The following SAXO2 variants were observed in gnomAD, a reference collection of about 807,000 sequenced individuals.
SAXO2 encodes stabilizer of axonemal microtubules 2, also known as family with sequence similarity 154, member B.
In SAXO2, 17 loss-of-function variants were observed where a neutral mutation model predicts 18.7. The ratio of observed to expected loss-of-function variants is 0.91; its 90% CI spans 0.62 to 1.36. The LOEUF (loss-of-function observed/expected upper bound fraction) is 1.36, where lower values mean the gene tolerates loss of function less well. Ranked by LOEUF, SAXO2 falls within the 40% of genes most tolerant of loss-of-function variation. The pLI is 0.00. For missense variants in SAXO2, 486 were observed against 562.6 expected (o/e 0.86, Z 1.38); for synonymous variants, 163 against 181.2 (o/e 0.90, Z 0.81).
intron 3 of SAXO2, among the ~76,000 whole-genome samples, chr15:82,273,422 G>A (rs1185531865): frequency 6.6e-6 from 1 of 152,106 alleles, no homozygotes; most frequent in African/African-American, 2.4e-5. Context: ...TTAGGTAATA[G>A]TTAAATGCCT....
chr15:82,263,188 G>A, intron 1 of SAXO2: 1 of 1,453,444 alleles, frequency 6.9e-7, no homozygotes, highest in African/African-American at 1.4e-5. Context: ...ACCCGGGCCA[G>A]GTAAGTAATA....
chr15:82,268,670 G>A lies in SAXO2; in HGVS notation c.233+2922G>A, dbSNP rs140785498. Among the ~76,000 whole-genome samples, 822 of 152,332 alleles carry A rather than the reference G, an allele frequency of 5.4e-3. 5 individuals are homozygous for A. Among genetic ancestry groups the A allele is most frequent in the Non-Finnish European group, 8.5e-3 (579 of 68,018 alleles). The stretch of plus-strand genomic sequence containing the variant: ...ACAGGAAGTGACTGTGTAAAGAGGT[G>A]TCTGAACTTGTACAAGATTTTGGAT... On this transcript the variant is annotated intron_variant, in intron 2 of 3. Coordinates refer to ENST00000682753, the MANE Select transcript of SAXO2 (RefSeq NM_001348699.2).
intron 1 of SAXO2, chr15:82,263,155 T>C: frequency 1.4e-6 from 2 of 1,455,432 alleles, no homozygotes; most frequent in South Asian, 1.4e-5. Context: ...AGACTCCCAA[T>C]CAAGGATGCA....
chr15:82,273,518 A>G (rs2075289909), intron 3 of SAXO2, among the ~76,000 whole-genome samples: 2 of 152,162 alleles, frequency 1.3e-5, no homozygotes, highest in Non-Finnish European at 2.9e-5. Context: ...CAGCCTACCT[A>G]TTAGGGAGGT....
chr15:82,270,667 G>A (rs2075263074), intron 2 of SAXO2, among the ~76,000 whole-genome samples: 1 of 152,138 alleles, frequency 6.6e-6, no homozygotes, highest in African/African-American at 2.4e-5. Context: ...GAGTCCAGAA[G>A]AAAAAAGCAA....
At chr15:82,273,952 G>A (rs565243686) in intron 3 of SAXO2, among the ~76,000 whole-genome samples, 72 of 152,056 alleles carry the variant, frequency 4.7e-4, no homozygotes, top group African/African-American at 1.7e-3. Context: ...TGGTCAGGCT[G>A]GTCTCAAACT....
intron 3 of SAXO2, among the ~76,000 whole-genome samples, chr15:82,275,281 CAAAAAAAAAAAAAAA>C (rs756023248): frequency 2.2e-5 from 1 of 45,906 alleles, no homozygotes; most frequent in East Asian, 6.0e-4. Context: ...ACCTATCAAC[CAAAAAAAAAAAAAAA>C]AAAAAAAAAA....
At chr15:82,270,309 TAATC>T (rs959462100) in intron 2 of SAXO2, among the ~76,000 whole-genome samples, 1 of 152,114 alleles carries the variant, frequency 6.6e-6, no homozygotes. Flanking sequence ...TGGAAAGAAA[TAATC>T]AGGAAGTCGG....
At chr15:82,276,773 A>C (rs1342991089) in intron 3 of SAXO2, among the ~76,000 whole-genome samples, 13 of 152,222 alleles carry the variant, frequency 8.5e-5, no homozygotes, top group Admixed American at 8.5e-4. Flanking sequence ...AAGCAAATTA[A>C]CAATGTTTTC....
Position 82,264,017 on chromosome 15 carries a change from A to G in SAXO2, c.53+1085A>G, listed in dbSNP as rs542493874. Among the ~76,000 whole-genome samples the G allele has an allele frequency of 9.9e-5, 15 of 151,382 alleles. No homozygotes were observed. In the South Asian group the frequency reaches 2.7e-3, roughly 27 times the overall value. On this transcript the variant is annotated intron_variant, in intron 1 of 3. Transcript: ENST00000682753. ...TATTGTAAAACGCCTTCATAATTCTATCTTCCACAGATAACAAATGTTCTT... is the reference window on the plus strand; with the variant it reads ...TATTGTAAAACGCCTTCATAATTCTGTCTTCCACAGATAACAAATGTTCTT...
chr15:82,263,097 C>A, intron 1 of SAXO2, 165 bp downstream of exon 1: 3 of 1,493,720 alleles, frequency 2.0e-6, no homozygotes, highest in Non-Finnish European at 1.8e-6. Context: ...AATACTCGCT[C>A]CTCACCCGCC....
At chr15:82,269,592 G>A (rs1469492811) in intron 2 of SAXO2, among the ~76,000 whole-genome samples, 1 of 152,116 alleles carries the variant, frequency 6.6e-6, no homozygotes, top group Non-Finnish European at 1.5e-5. Flanking sequence ...GGTGGAGGGT[G>A]GAGGGTGGAC....
intron 2 of SAXO2, 113 bp downstream of exon 2, chr15:82,265,861 T>A: frequency 1.5e-6 from 1 of 670,110 alleles, no homozygotes; most frequent in Admixed American, 4.2e-5. Context: ...GTTGAACCAA[T>A]CTAATAGTCA....
In SAXO2 at chr15:82,265,691, A is replaced by T. The variant is rs2075210423; in HGVS notation, c.176A>T (p.Lys59Ile). 3.9e-6 allele frequency: 6 copies of T among 1,529,462 alleles called. No individual in the cohort carries two copies. The East Asian group carries it at 1.5e-4, about 38-fold the overall frequency. The allele number at this position is 1,529,462 out of a possible 1,614,324, so 94.7% of individuals were successfully genotyped here. The change falls in exon 2 of 4, where the codon AAA becomes ATA. Residue 59 changes from lysine to isoleucine, a missense_variant. Coordinates refer to ENST00000682753, the MANE Select transcript of SAXO2 (RefSeq NM_001348699.2). ...AATGTTCTTCCACCTCAGAGTCTTA[A>T]AGCCAAGCAAGAAATTCGAGCATGC... is the stretch of plus-strand genomic sequence containing the variant. ...YDNVLPPQSL[K>I]AKQEIRACHG...
At chr15:82,274,762 T>G (rs1350183824) in intron 3 of SAXO2, among the ~76,000 whole-genome samples, 2 of 151,414 alleles carry the variant, frequency 1.3e-5, no homozygotes, top group Non-Finnish European at 2.9e-5. Flanking sequence ...TACCAAAACT[T>G]CTGGGATGTG....
At chr15:82,270,373 C>T (rs1329295785) in intron 2 of SAXO2, among the ~76,000 whole-genome samples, 1 of 152,114 alleles carries the variant, frequency 6.6e-6, no homozygotes, top group Non-Finnish European at 1.5e-5. Context: ...ATGTCAATTA[C>T]TGTTGGAGAG....
intron 1 of SAXO2, among the ~76,000 whole-genome samples, chr15:82,264,045 A>G (rs1027182246): frequency 2.0e-5 from 3 of 151,266 alleles, no homozygotes; most frequent in African/African-American, 7.3e-5. Flanking sequence ...ATGTTCTTTA[A>G]GACTTGTTTT....
Position 82,283,105 on chromosome 15 carries a change from T to C in SAXO2, c.*43T>C. 3 of 1,311,634 alleles carry C rather than the reference T, an allele frequency of 2.3e-6. No homozygotes were observed. Among genetic ancestry groups the C allele is most frequent in the Non-Finnish European group, 3.0e-6 (3 of 1,009,558 alleles). 81.2% of individuals were successfully genotyped at this position (1,311,634 alleles called of 1,614,324 possible). A position where few individuals can be genotyped will look rare whatever the true frequency, so the allele number is the denominator to read the frequency against. On this transcript the variant is annotated 3_prime_UTR_variant, in exon 4 of 4. Transcript: ENST00000682753. ...AAAGGAAGGTACTAGCAAGTTGTTG[T>C]TTTTCCAAGAGAAAACTCAATTTTT...
At chr15:82,263,508 A>G (rs183010103) in intron 1 of SAXO2, 18 of 696,890 alleles carry the variant, frequency 2.6e-5, no homozygotes, top group Non-Finnish European at 4.7e-5. Flanking sequence ...CATCACCTGT[A>G]AACACAGTCC....
Sources: gnomAD v4.1 joint callset for allele counts (sites outside exome capture counted in the v4.1 genomes callset) on GRCh38, gnomAD v4.1.1 for gene constraint, MANE v1.5 for transcripts, NCBI Gene and HGNC (gene_info 2026-07-23, HGNC 2026-07-21) for gene names.